B4GALT5: variants seen among roughly 807,000 people sequenced by gnomAD.
B4GALT5 encodes the protein beta-1,4-galactosyltransferase 5.
Under a neutral mutation model 45.0 loss-of-function variants are expected in B4GALT5, and 11 were observed. The ratio of observed to expected loss-of-function variants is 0.24; its 90% CI spans 0.15 to 0.40. B4GALT5 has a LOEUF of 0.40. Ranked by LOEUF, B4GALT5 falls within the 10% of genes least tolerant of loss-of-function variation. The pLI, the probability that B4GALT5 is intolerant of heterozygous loss-of-function variation, is 1.00. For missense variants in B4GALT5, 337 were observed against 500.2 expected, an observed-to-expected ratio of 0.67 and a Z score of 3.11; for synonymous variants, 185 against 182.9, an observed-to-expected ratio of 1.01 and a Z score of -0.09.
intron 1 of B4GALT5, among the ~76,000 whole-genome samples, chr20:49,704,667 C>T (rs917892935): frequency 1.3e-5 from 2 of 149,036 alleles, no homozygotes; most frequent in African/African-American, 2.5e-5. Flanking sequence ...TGCAGTGAGC[C>T]GAGATCCCGC....
rs756506207 is a variant in B4GALT5 at position 49,639,786 on chromosome 20, T to G, written c.809A>C (p.Glu270Ala). ...DKYMYLLPYT[E>A]FFGGVSGLTV... ...TAAGCCACTCACTCCGCCAAAGAACTCGGTATAAGGAAGCCTAGGAGGAGA... is the reference window on the plus strand; with the variant it reads ...TAAGCCACTCACTCCGCCAAAGAACGCGGTATAAGGAAGCCTAGGAGGAGA... Residue 270 changes from glutamate (E) to alanine (A), a missense_variant, in exon 7 of 9, where the codon GAG (glutamate) becomes GCG (alanine). Transcript: ENST00000371711. The G allele has an allele frequency of 6.2e-7, 1 of 1,613,214 alleles. No homozygotes were observed. Among genetic ancestry groups the G allele is most frequent in the Non-Finnish European group, 8.5e-7 (1 of 1,179,342 alleles).
intron 2 of B4GALT5, among the ~76,000 whole-genome samples, chr20:49,653,185 T>C (rs2085629048): frequency 6.6e-6 from 1 of 152,240 alleles, no homozygotes; most frequent in African/African-American, 2.4e-5. Flanking sequence ...AACCCCAATC[T>C]AAAAATCCGA....
intron 2 of B4GALT5, among the ~76,000 whole-genome samples, chr20:49,655,755 C>A (rs1053712284): frequency 6.6e-6 from 1 of 151,646 alleles, no homozygotes; most frequent in Non-Finnish European, 1.5e-5. Flanking sequence ...ATGGTGAAAC[C>A]CCATCTCTAC....
At position 49,665,204 on chromosome 20, in the gene B4GALT5, G is replaced by C. The variant is rs560532351; in HGVS notation, c.116-8502C>G. Among the ~76,000 whole-genome samples the C allele has an allele frequency of 2.0e-4, 31 of 152,074 alleles. No homozygotes were observed. In the East Asian group the frequency reaches 4.8e-3, roughly 24 times the overall value. On this transcript the variant is annotated intron_variant, in intron 1 of 8. Transcript: ENST00000371711. ...AGGCCTAAGCAGGAGGATCACTTGA[G>C]GCTAGGAGTTTGAGAACAGCCTGGG...
intron 1 of B4GALT5, among the ~76,000 whole-genome samples, chr20:49,688,512 C>T (rs1000525133): frequency 6.6e-6 from 1 of 152,078 alleles, no homozygotes; most frequent in Non-Finnish European, 1.5e-5. Flanking sequence ...TGGAATCAGC[C>T]CCCATTCTAT....
At chr20:49,691,247 G>A (rs776562517) in intron 1 of B4GALT5, among the ~76,000 whole-genome samples, 1 of 152,124 alleles carries the variant, frequency 6.6e-6, no homozygotes, top group African/African-American at 2.4e-5. Context: ...CCAGGAGCAG[G>A]GGCTCACGCC....
chr20:49,672,244 CGTT>C lies in B4GALT5; in HGVS notation c.116-15545_116-15543del, dbSNP rs769528169. 5.9e-5 allele frequency among the ~76,000 whole-genome samples: 9 copies of C among 152,288 alleles called. 1 individual carries two copies. Among genetic ancestry groups the C allele is most frequent in the Non-Finnish European group, 1.2e-4 (8 of 68,016 alleles). ...GTAACAGACTAATGGGTTATCTACT[CGTT>C]GGGAATTTAAGTGCTTCCAAGAAGG... On this transcript the variant is annotated intron_variant, in intron 1 of 8. Transcript: ENST00000371711.
chr20:49,698,940 C>G (rs2085850460), intron 1 of B4GALT5, among the ~76,000 whole-genome samples: 1 of 152,114 alleles, frequency 6.6e-6, no homozygotes, highest in Non-Finnish European at 1.5e-5. Context: ...TAAATACTTC[C>G]TCATCCCTCT....
intron 1 of B4GALT5, among the ~76,000 whole-genome samples, chr20:49,710,921 A>G (rs1483220716): frequency 6.6e-6 from 1 of 151,904 alleles, no homozygotes; most frequent in Non-Finnish European, 1.5e-5. Flanking sequence ...TCTACAAAAA[A>G]CTGTTTTAAA....
At chr20:49,669,679 A>G (rs1025523402) in intron 1 of B4GALT5, among the ~76,000 whole-genome samples, 1 of 150,422 alleles carries the variant, frequency 6.6e-6, no homozygotes, top group African/African-American at 2.5e-5. Context: ...CTGGGCAACA[A>G]GAGCGAAACT....
chr20:49,671,538 T>C (rs2146344496), intron 1 of B4GALT5, among the ~76,000 whole-genome samples: 1 of 152,184 alleles, frequency 6.6e-6, no homozygotes. Flanking sequence ...CAAAGGAAAA[T>C]ATAAGCCTAG....
intron 1 of B4GALT5, among the ~76,000 whole-genome samples, chr20:49,690,656 A>G (rs534186228): frequency 2.0e-5 from 3 of 152,318 alleles, no homozygotes; most frequent in South Asian, 4.1e-4. Context: ...CAAAAAAGTT[A>G]TATCTGTTAC....
chr20:49,644,170 A>G (rs1346375132), intron 3 of B4GALT5, among the ~76,000 whole-genome samples: 1 of 151,382 alleles, frequency 6.6e-6, no homozygotes, highest in African/African-American at 2.4e-5. Flanking sequence ...CAAGGGATCC[A>G]CCCACCTGGG....
intron 1 of B4GALT5, among the ~76,000 whole-genome samples, chr20:49,679,099 T>A (rs2085753323): frequency 5.3e-5 from 8 of 152,198 alleles, no homozygotes; most frequent in Admixed American, 5.2e-4. Context: ...TTTTAAACTT[T>A]CATTATAGCT....
intron 1 of B4GALT5, among the ~76,000 whole-genome samples, chr20:49,712,682 C>T (rs1033059710): frequency 6.6e-6 from 1 of 152,092 alleles, no homozygotes; most frequent in Non-Finnish European, 1.5e-5. Context: ...AAGAACCACA[C>T]CATCTACCCT....
chr20:49,688,676 C>T (rs751444231), intron 1 of B4GALT5, among the ~76,000 whole-genome samples: 2 of 152,124 alleles, frequency 1.3e-5, no homozygotes, highest in South Asian at 2.1e-4. Flanking sequence ...CAGTGGCTCA[C>T]GCCTGTAATC....
chr20:49,703,730 A>AAAAAAAAAAAAAAAT (rs1555814914), intron 1 of B4GALT5, among the ~76,000 whole-genome samples: 5 of 144,550 alleles, frequency 3.5e-5, no homozygotes, highest in African/African-American at 1.4e-4. Context: ...TTCTACTAAA[A>AAAAAAAAAAAAAAAT]AAAAAAAAAA....
intron 1 of B4GALT5, among the ~76,000 whole-genome samples, chr20:49,681,434 A>G (rs2085763781): frequency 6.6e-6 from 1 of 151,684 alleles, no homozygotes; most frequent in South Asian, 2.1e-4. Context: ...CAAGGCCCAG[A>G]CCCTGGACTT....
chr20:49,644,672 A>G (rs2085591945), intron 3 of B4GALT5, among the ~76,000 whole-genome samples: 1 of 152,322 alleles, frequency 6.6e-6, no homozygotes, highest in Admixed American at 6.5e-5. Flanking sequence ...TCCCAAACTA[A>G]GCTTACATCT....
Sources: allele counts gnomAD v4.1 joint callset (sites outside exome capture counted in the v4.1 genomes callset), GRCh38; gene constraint gnomAD v4.1.1; transcripts MANE v1.5; gene names NCBI Gene and HGNC (gene_info 2026-07-23, HGNC 2026-07-21).